The following PRKCB variants were observed in gnomAD, a reference collection of about 807,000 sequenced individuals.
The protein encoded by PRKCB is protein kinase C beta.
PRKCB carries 13 observed loss-of-function variants against 81.5 expected under a neutral mutation model. The ratio of observed to expected loss-of-function variants is 0.16; its 90% confidence interval spans 0.10 to 0.25. The LOEUF (loss-of-function observed/expected upper bound fraction) is 0.25. Ranked by LOEUF, PRKCB falls within the 10% of genes least tolerant of loss-of-function variation. PRKCB has a pLI of 1.00. For synonymous variants in PRKCB, 335 were observed against 321.4 expected (o/e 1.04, Z -0.45); for missense variants, 509 against 875.7 (o/e 0.58, Z 5.29).
Position 24,125,358 on chromosome 16 carries a change from C to T in PRKCB, c.1065+1377C>T, listed in dbSNP as rs112992526. On this transcript the variant is annotated intron_variant, in intron 9 of 16. Coordinates refer to ENST00000643927, the MANE Select transcript of PRKCB (RefSeq NM_002738.7). Reference sequence around the variant, plus strand: ...TGACTTCCTTTCTTCTTTCTCCTCCCCATCACCCACTGTGCTCTGGCCACA... The same window carrying T: ...TGACTTCCTTTCTTCTTTCTCCTCCTCATCACCCACTGTGCTCTGGCCACA... 2.8e-4 allele frequency among the ~76,000 whole-genome samples: 42 copies of T among 152,270 alleles called. 1 individual carries two copies. The East Asian group carries it at 3.1e-3, about 11-fold the overall frequency.
chr16:23,843,892 T>C (rs1209439600), intron 2 of PRKCB, among the ~76,000 whole-genome samples: 3 of 152,000 alleles, frequency 2.0e-5, no homozygotes, highest in Middle Eastern at 3.4e-3. Context: ...ACATTTGTAC[T>C]GTTGGGGTCT....
chr16:23,992,226 T>G (rs1323556763), intron 3 of PRKCB, among the ~76,000 whole-genome samples: 2 of 152,208 alleles, frequency 1.3e-5, no homozygotes, highest in Non-Finnish European at 2.9e-5. Context: ...GTTTTGGTAT[T>G]TTGTTACAGC....
chr16:24,119,221 G>C (rs1462897670), intron 8 of PRKCB, among the ~76,000 whole-genome samples: 1 of 151,940 alleles, frequency 6.6e-6, no homozygotes, highest in Non-Finnish European at 1.5e-5. Flanking sequence ...AGCAAGCTGG[G>C]AGGGAGGGAG....
intron 2 of PRKCB, among the ~76,000 whole-genome samples, chr16:23,905,116 G>A (rs1963539806): frequency 1.3e-5 from 2 of 148,618 alleles, no homozygotes; most frequent in Non-Finnish European, 3.0e-5. Context: ...TAGAGTGTGG[G>A]ATCCATTGCT....
chr16:23,933,938 TCCA>T (rs1964020072), intron 2 of PRKCB, among the ~76,000 whole-genome samples: 2 of 131,330 alleles, frequency 1.5e-5, no homozygotes, highest in African/African-American at 2.9e-5. Context: ...CATCCATCCA[TCCA>T]TCCATCCATC....
intron 2 of PRKCB, among the ~76,000 whole-genome samples, chr16:23,951,202 T>C (rs1276325045): frequency 6.6e-6 from 1 of 152,216 alleles, no homozygotes; most frequent in African/African-American, 2.4e-5. Context: ...TTCCCTTGCA[T>C]CCAGGGTGCT....
chr16:24,039,595 T>C (rs953629533), intron 5 of PRKCB, among the ~76,000 whole-genome samples: 1 of 152,202 alleles, frequency 6.6e-6, no homozygotes, highest in Non-Finnish European at 1.5e-5. Flanking sequence ...CTGGCTGATA[T>C]AGTCAGTTAC....
intron 5 of PRKCB, among the ~76,000 whole-genome samples, chr16:24,072,839 C>T (rs1966128609): frequency 6.6e-6 from 1 of 152,192 alleles, no homozygotes; most frequent in East Asian, 1.9e-4. Flanking sequence ...GCCTCAGCCT[C>T]CCAAAGCACT....
chr16:23,984,462 A>G (rs1964775998), intron 2 of PRKCB, among the ~76,000 whole-genome samples: 1 of 152,230 alleles, frequency 6.6e-6, no homozygotes, highest in South Asian at 2.1e-4. Context: ...AGTAAGCAAT[A>G]CAATCACAGA....
At chr16:24,051,741 T>C (rs939052239) in intron 5 of PRKCB, among the ~76,000 whole-genome samples, 6 of 151,954 alleles carry the variant, frequency 3.9e-5, no homozygotes, top group African/African-American at 1.5e-4. Context: ...TACCCAGGCA[T>C]GGTAGTGCAG....
At chr16:24,122,506 C>T (rs1966811695) in intron 8 of PRKCB, among the ~76,000 whole-genome samples, 2 of 140,720 alleles carry the variant, frequency 1.4e-5, no homozygotes, top group South Asian at 4.5e-4. Flanking sequence ...GTCACCCAGG[C>T]TGGTGGGCAG....
At chr16:24,086,343 G>A (rs2141896264) in intron 5 of PRKCB, among the ~76,000 whole-genome samples, 1 of 152,294 alleles carries the variant, frequency 6.6e-6, no homozygotes, top group East Asian at 1.9e-4. Flanking sequence ...CAGGAGAGGG[G>A]CAGGGCAGGA....
chr16:24,202,133 G>A (rs1391144710), intron 16 of PRKCB, among the ~76,000 whole-genome samples: 3 of 152,044 alleles, frequency 2.0e-5, no homozygotes, highest in African/African-American at 7.2e-5. Context: ...TGTCCTTTCT[G>A]ACTCTATCCT....
intron 2 of PRKCB, among the ~76,000 whole-genome samples, chr16:23,960,909 C>T (rs1479313769): frequency 1.3e-5 from 2 of 152,236 alleles, no homozygotes; most frequent in African/African-American, 4.8e-5. Context: ...CCCTATTTGT[C>T]TTTATCCTCC....
chr16:24,076,435 C>T (rs1288881426), intron 5 of PRKCB, among the ~76,000 whole-genome samples: 2 of 152,272 alleles, frequency 1.3e-5, no homozygotes, highest in African/African-American at 4.8e-5. Context: ...CTCTGTCATC[C>T]TGGAGCTCAG....
chr16:23,844,947 G>A (rs550705524), intron 2 of PRKCB, among the ~76,000 whole-genome samples: 1 of 152,044 alleles, frequency 6.6e-6, no homozygotes, highest in Non-Finnish European at 1.5e-5. Flanking sequence ...GATTACAGGT[G>A]CCCACCACCT....
chr16:24,175,789 T>A (rs1049087602), intron 12 of PRKCB, among the ~76,000 whole-genome samples: 1 of 151,472 alleles, frequency 6.6e-6, no homozygotes, highest in African/African-American at 2.4e-5. Flanking sequence ...CTAAGCAACA[T>A]AGTGAGGCCC....
intron 9 of PRKCB, among the ~76,000 whole-genome samples, chr16:24,146,082 T>C (rs1489710676): frequency 3.3e-5 from 5 of 152,020 alleles, no homozygotes; most frequent in African/African-American, 9.7e-5. Context: ...GAGGCAGAGA[T>C]TGGAGTGATG....
intron 9 of PRKCB, among the ~76,000 whole-genome samples, chr16:24,127,001 T>A (rs1047401759): frequency 1.5e-5 from 2 of 136,736 alleles, no homozygotes; most frequent in Admixed American, 1.5e-4. Flanking sequence ...GCTTTCTTTT[T>A]TCCTTTTTTT....
Sources: gnomAD v4.1 joint callset for allele counts (sites outside exome capture counted in the v4.1 genomes callset) on GRCh38, gnomAD v4.1.1 for gene constraint, MANE v1.5 for transcripts, NCBI Gene and HGNC (gene_info 2026-07-23, HGNC 2026-07-21) for gene names.